The following OSBPL6 variants were observed in gnomAD, a reference collection of about 807,000 sequenced individuals.
OSBPL6 encodes oxysterol binding protein like 6.
In OSBPL6, 49 loss-of-function variants were observed where a neutral mutation model predicts 125.8. That is an observed-to-expected ratio of 0.39 (90% CI 0.31 to 0.49). OSBPL6 has a LOEUF of 0.49. Among genes scored for constraint, OSBPL6 ranks in the 20% least tolerant of loss-of-function variants. The probability of loss-of-function intolerance (pLI) is 0.88; values close to 1 mark genes in which losing one functional copy is unlikely to be tolerated. For synonymous variants in OSBPL6, 394 were observed against 391.8 expected, an observed-to-expected ratio of 1.01 and a Z score of -0.07; for missense variants, 986 against 1,135.4, an observed-to-expected ratio of 0.87 and a Z score of 1.89.
chr2:178,267,364 A>C (rs1056257642), intron 1 of OSBPL6, among the ~76,000 whole-genome samples: 9 of 151,394 alleles, frequency 5.9e-5, no homozygotes, highest in Admixed American at 1.3e-4. Flanking sequence ...AAAAAAAAAA[A>C]AAAAAAAAAA....
chr2:178,229,566 A>G (rs936569468), intron 1 of OSBPL6, among the ~76,000 whole-genome samples: 1 of 152,152 alleles, frequency 6.6e-6, no homozygotes, highest in Non-Finnish European at 1.5e-5. Context: ...GAGGTGGTTC[A>G]CTGCTGTAAT....
chr2:178,354,039 G>A lies in OSBPL6; in HGVS notation c.1153+4650G>A, dbSNP rs567344912. Among the ~76,000 whole-genome samples, 357 of 152,302 alleles carry A rather than the reference G, an allele frequency of 2.3e-3. 1 individual carries two copies. The highest frequency in any genetic ancestry group is 8.0e-3 in the African/African-American group (334 of 41,566). On this transcript the variant is annotated intron_variant, in intron 12 of 24. Coordinates refer to ENST00000190611, the MANE Select transcript of OSBPL6 (RefSeq NM_032523.4). ...TCCTTTACAGACAAGCAAATGCTGG[G>A]AGATTTTGTCAACACCAGGCCTGCC...
At chr2:178,230,323 C>T (rs910811994) in intron 1 of OSBPL6, 1 of 152,170 alleles carries the variant, frequency 6.6e-6, no homozygotes, top group Non-Finnish European at 1.5e-5. Flanking sequence ...CAGGAAAAAA[C>T]AGAATGGATA....
chr2:178,392,413 T>A lies in OSBPL6; in HGVS notation c.2448T>A (p.Gly816=). ...APSAKCIWRP[G]SMPTNYELYY... is the part of the protein sequence containing the mutation. ...AGTGGTTCATTGGCCTCTTTCCAGG[T>A]TCCATGCCAACAAACTATGAGCTGT... is the stretch of plus-strand genomic sequence containing the variant. Residue 816 remains glycine (G), a splice_region_variant and synonymous_variant, in exon 23 of 25, where the codon GGT becomes GGA. Transcript: ENST00000190611. The A allele has an allele frequency of 2.5e-6, 4 of 1,613,982 alleles. No homozygotes were observed. Among genetic ancestry groups the A allele is most frequent in the Non-Finnish European group, 3.4e-6 (4 of 1,179,868 alleles).
At chr2:178,279,557 T>G (rs570317193) in intron 1 of OSBPL6, among the ~76,000 whole-genome samples, 2 of 152,332 alleles carry the variant, frequency 1.3e-5, no homozygotes, top group South Asian at 4.1e-4. Flanking sequence ...TTAGCATCCT[T>G]TTTGATCTAC....
chr2:178,369,828 C>T (rs986778575), intron 13 of OSBPL6, among the ~76,000 whole-genome samples: 3 of 152,088 alleles, frequency 2.0e-5, no homozygotes, highest in Admixed American at 6.6e-5. Flanking sequence ...TTTAACATTC[C>T]CACCCCTGAA....
chr2:178,397,961 T>C lies in OSBPL6; in HGVS notation c.*2402T>C, dbSNP rs1695945686. The C allele has an allele frequency of 6.6e-6, 1 of 152,234 alleles. No homozygotes were observed. The highest frequency in any genetic ancestry group is 1.5e-5 in the Non-Finnish European group (1 of 68,048). The allele number at this position is 152,234 out of a possible 1,614,324, so 9.4% of individuals were successfully genotyped here. On this transcript the variant is annotated 3_prime_UTR_variant, in exon 25 of 25. Coordinates refer to ENST00000190611, the MANE Select transcript of OSBPL6 (RefSeq NM_032523.4). Reference sequence around the variant, plus strand: ...ATAATATCTCAGATTTAGAATCTCTTTTGGGATTCAGATAGTCTGATTATT... The same window carrying C: ...ATAATATCTCAGATTTAGAATCTCTCTTGGGATTCAGATAGTCTGATTATT...
chr2:178,251,913 T>G (rs887220426), intron 1 of OSBPL6, among the ~76,000 whole-genome samples: 1 of 152,192 alleles, frequency 6.6e-6, no homozygotes, highest in African/African-American at 2.4e-5. Context: ...GAAAGAAATA[T>G]GCTTTCTTGT....
intron 4 of OSBPL6, among the ~76,000 whole-genome samples, chr2:178,325,628 G>T (rs1032173582): frequency 4.6e-5 from 7 of 152,292 alleles, no homozygotes; most frequent in African/African-American, 1.2e-4. Flanking sequence ...ATGGAAAAAG[G>T]TAGCTAAAAT....
At chr2:178,247,702 G>A (rs1476150446) in intron 1 of OSBPL6, among the ~76,000 whole-genome samples, 1 of 152,058 alleles carries the variant, frequency 6.6e-6, no homozygotes, top group South Asian at 2.1e-4. Flanking sequence ...ACTTGTAGCT[G>A]GTCCTGAGAA....
intron 9 of OSBPL6, among the ~76,000 whole-genome samples, chr2:178,338,166 C>T (rs954935400): frequency 6.6e-6 from 1 of 152,088 alleles, no homozygotes; most frequent in Non-Finnish European, 1.5e-5. Flanking sequence ...CTCCTGACCT[C>T]AGGTCATCCT....
Position 178,332,638 on chromosome 2 carries a change from C to A in OSBPL6, c.373-3C>A. On this transcript the variant is annotated splice_polypyrimidine_tract_variant and splice_region_variant and intron_variant, in intron 6 of 24. Coordinates refer to ENST00000190611, the MANE Select transcript of OSBPL6 (RefSeq NM_032523.4). Reference sequence around the variant, plus strand: ...AGCCTATTTACTAGTCTTTTGATTTCAGATTCAGAAAGGAAAGGTCCATGG... The same window carrying A: ...AGCCTATTTACTAGTCTTTTGATTTAAGATTCAGAAAGGAAAGGTCCATGG... 1.2e-6 allele frequency: 2 copies of A among 1,603,134 alleles called. No homozygotes were observed. The highest frequency in any genetic ancestry group is 1.7e-6 in the Non-Finnish European group (2 of 1,170,416).
chr2:178,392,810 A>T (rs1477251756), intron 23 of OSBPL6, among the ~76,000 whole-genome samples: 1 of 150,414 alleles, frequency 6.6e-6, no homozygotes, highest in Non-Finnish European at 1.5e-5. Flanking sequence ...ACAGTGAGCT[A>T]TGATTGTACC....
intron 1 of OSBPL6, among the ~76,000 whole-genome samples, chr2:178,245,920 G>A (rs766770761): frequency 6.6e-6 from 1 of 152,194 alleles, no homozygotes; most frequent in Non-Finnish European, 1.5e-5. Flanking sequence ...AAAGGCTGAT[G>A]TTTGTGTGCC....
At chr2:178,203,865 G>T (rs2089387543) in intron 1 of OSBPL6, among the ~76,000 whole-genome samples, 1 of 152,128 alleles carries the variant, frequency 6.6e-6, no homozygotes, top group Admixed American at 6.6e-5. Flanking sequence ...TGAATCATGA[G>T]GCTTTCTAGT....
chr2:178,382,362 T>C, intron 15 of OSBPL6, 58 bp from the exon 16 acceptor site: 1 of 1,532,162 alleles, frequency 6.5e-7, no homozygotes, highest in Non-Finnish European at 8.8e-7. Flanking sequence ...CATTTGATTA[T>C]CTGAGCTTGC....
Position 178,236,225 on chromosome 2 carries a change from GA to G in OSBPL6, c.-351+41560del, listed in dbSNP as rs777318654. Among the ~76,000 whole-genome samples the G allele has an allele frequency of 3.5e-3, 523 of 151,030 alleles. 6 individuals are homozygous for G. Among genetic ancestry groups the G allele is most frequent in the African/African-American group, 0.012 (504 of 41,238 alleles). On this transcript the variant is annotated intron_variant, in intron 1 of 24. Transcript: ENST00000190611. ...TGAAATACTCTTATATCTTAATCCT[GA>G]AAAAAAAATTATAAGTTTAGTGAGT... is the stretch of plus-strand genomic sequence containing the variant.
intron 12 of OSBPL6, among the ~76,000 whole-genome samples, chr2:178,353,056 A>C (rs928766130): frequency 2.0e-5 from 3 of 152,236 alleles, no homozygotes; most frequent in African/African-American, 7.2e-5. Flanking sequence ...CAATATCAAC[A>C]AAAAGGTCAT....
intron 12 of OSBPL6, among the ~76,000 whole-genome samples, chr2:178,350,556 T>TAGAA (rs1691158216): frequency 6.6e-6 from 1 of 152,196 alleles, no homozygotes; most frequent in South Asian, 2.1e-4. Flanking sequence ...TCAGATTTCA[T>TAGAA]TAATTCTATG....
Sources: gnomAD v4.1 joint callset for allele counts (sites outside exome capture counted in the v4.1 genomes callset) on GRCh38, gnomAD v4.1.1 for gene constraint, MANE v1.5 for transcripts, NCBI Gene and HGNC (gene_info 2026-07-23, HGNC 2026-07-21) for gene names.